The following BCAS3 variants were observed in gnomAD, a reference collection of about 807,000 sequenced individuals.
BCAS3 encodes BCAS4/BCAS3 fusion.
Under a neutral mutation model 116.1 loss-of-function variants are expected in BCAS3, and 53 were observed. The observed-to-expected ratio is 0.46, with a 90% confidence interval of 0.37 to 0.57. BCAS3 has a LOEUF of 0.57. Ranked by LOEUF, BCAS3 falls within the 20% of genes least tolerant of loss-of-function variation. The pLI is 0.00. For missense variants in BCAS3, 917 were observed against 1,165.4 expected (o/e 0.79, Z 3.10); for synonymous variants, 391 against 408.2 (o/e 0.96, Z 0.51).
At chr17:61,231,937 T>A (rs2082705871) in intron 22 of BCAS3, among the ~76,000 whole-genome samples, 1 of 148,466 alleles carries the variant, frequency 6.7e-6, no homozygotes, top group South Asian at 2.1e-4. Flanking sequence ...CCTGACACAG[T>A]GGCTCATGCC....
intron 23 of BCAS3, among the ~76,000 whole-genome samples, chr17:61,385,027 C>T (rs1234673124): frequency 6.6e-6 from 1 of 152,150 alleles, no homozygotes; most frequent in African/African-American, 2.4e-5. Flanking sequence ...TAAAAAGTGC[C>T]CTGGGGGCTG....
At chr17:61,049,768 T>C (rs2068686512) in intron 19 of BCAS3, among the ~76,000 whole-genome samples, 1 of 149,260 alleles carries the variant, frequency 6.7e-6, no homozygotes, top group African/African-American at 2.5e-5. Flanking sequence ...GTTTCACTCT[T>C]GTTGCCCAGG....
intron 1 of BCAS3, among the ~76,000 whole-genome samples, 170 bp from the exon 2 acceptor site, chr17:60,679,283 C>T (rs939476985): frequency 6.6e-6 from 1 of 152,144 alleles, no homozygotes; most frequent in Non-Finnish European, 1.5e-5. Context: ...TAAAAACCTA[C>T]TTCCTCCTTT....
intron 22 of BCAS3, among the ~76,000 whole-genome samples, chr17:61,150,187 G>C (rs918526640): frequency 2.0e-5 from 3 of 152,166 alleles, no homozygotes; most frequent in Non-Finnish European, 4.4e-5. Context: ...TCTATTGATT[G>C]GTCAGGAAGA....
chr17:61,157,145 ACT>A (rs1304821366), intron 22 of BCAS3, among the ~76,000 whole-genome samples: 1 of 152,116 alleles, frequency 6.6e-6, no homozygotes, highest in Non-Finnish European at 1.5e-5. Flanking sequence ...GGGGGAAATA[ACT>A]CTGATTGATT....
At chr17:60,936,022 C>A (rs1180596388) in intron 13 of BCAS3, among the ~76,000 whole-genome samples, 2 of 150,520 alleles carry the variant, frequency 1.3e-5, no homozygotes, top group Non-Finnish European at 3.0e-5. Flanking sequence ...CCCCACCCCA[C>A]AACAGGCCCT....
chr17:60,800,804 C>G lies in BCAS3; in HGVS notation c.404-7200C>G, dbSNP rs2047706908. Reference sequence around the variant, plus strand: ...TTTTTTTTATGGACATCCAGTTGTTCCAGGGTCATTTGTTGACTATTCTTC... The same window carrying G: ...TTTTTTTTATGGACATCCAGTTGTTGCAGGGTCATTTGTTGACTATTCTTC... On this transcript the variant is annotated intron_variant, in intron 6 of 23. Transcript: ENST00000407086. Among the ~76,000 whole-genome samples, 4 of 151,886 alleles carry G rather than the reference C, an allele frequency of 2.6e-5. No homozygotes were observed. The South Asian group carries it at 8.3e-4, about 32-fold the overall frequency.
At chr17:60,823,064 G>A (rs917246222) in intron 7 of BCAS3, among the ~76,000 whole-genome samples, 1 of 152,168 alleles carries the variant, frequency 6.6e-6, no homozygotes, top group Non-Finnish European at 1.5e-5. Context: ...ATTCACTTGA[G>A]CCAGTATGGT....
intron 19 of BCAS3, among the ~76,000 whole-genome samples, chr17:61,057,949 G>A (rs2069559969): frequency 1.3e-5 from 2 of 151,648 alleles, no homozygotes; most frequent in Admixed American, 1.3e-4. Flanking sequence ...CTTTAGCATA[G>A]CTACTTTTTT....
intron 9 of BCAS3, among the ~76,000 whole-genome samples, chr17:60,888,219 A>T (rs1165614200): frequency 1.3e-5 from 2 of 152,202 alleles, no homozygotes; most frequent in Non-Finnish European, 2.9e-5. Context: ...AAAAATACGG[A>T]CTCAAAAAAT....
In BCAS3 at chr17:61,343,608, G is replaced by C. The variant is rs1037862609; in HGVS notation, c.2426-24719G>C. Among the ~76,000 whole-genome samples, 3 of 152,184 alleles carry C rather than the reference G, an allele frequency of 2.0e-5. No homozygotes were observed. The highest frequency in any genetic ancestry group is 4.4e-5 in the Non-Finnish European group (3 of 68,036). On this transcript the variant is annotated intron_variant, in intron 22 of 23. Transcript: ENST00000407086. This position sits in a 1 kb window ranked among gnomAD's most constrained non-coding sequence, Gnocchi z 5.5. ...ACTGGTTGAGGAAGCGTATGCAGAG[G>C]TTTGAGCCAAACAACTGGATGGCAA...
At position 60,810,985 on chromosome 17, in the gene BCAS3, C is replaced by T. The variant is rs1400325530; in HGVS notation, c.476+2909C>T. The T allele has an allele frequency of 1.7e-5, 11 of 666,034 alleles. No homozygotes were observed. The East Asian group carries it at 3.4e-4, about 20-fold the overall frequency. The allele number at this position is 666,034 out of a possible 1,614,324, so 41.3% of individuals were successfully genotyped here. ...GGAGCTGGACAAGTACTAGTCTCAG[C>T]AGATTGAAGAGAGCACCACAGTGGT... On this transcript the variant is annotated intron_variant, in intron 7 of 23. Coordinates refer to ENST00000407086, the MANE Select transcript of BCAS3 (RefSeq NM_017679.5).
intron 7 of BCAS3, among the ~76,000 whole-genome samples, chr17:60,849,662 C>T (rs1012930781): frequency 2.0e-5 from 3 of 152,048 alleles, no homozygotes; most frequent in African/African-American, 4.8e-5. Context: ...AATATCAGGC[C>T]GGGCACAGTG....
At chr17:61,274,184 C>A (rs1441565042) in intron 22 of BCAS3, among the ~76,000 whole-genome samples, 1 of 151,584 alleles carries the variant, frequency 6.6e-6, no homozygotes, top group Non-Finnish European at 1.5e-5. Context: ...TGTTCAGTTC[C>A]CACCTATGAG....
chr17:60,859,587 A>C (rs2053982864), intron 7 of BCAS3, among the ~76,000 whole-genome samples: 1 of 135,102 alleles, frequency 7.4e-6, no homozygotes, highest in Non-Finnish European at 1.6e-5. Flanking sequence ...TTTTTTTTTG[A>C]GATGGAGTCT....
intron 22 of BCAS3, chr17:61,353,542 A>G (rs118117345): frequency 2.0e-5 from 3 of 152,352 alleles, no homozygotes; most frequent in East Asian, 1.9e-4. Flanking sequence ...GATTTCCTCA[A>G]CCGTGAAACG....
At chr17:61,292,029 G>A (rs1003119360) in intron 22 of BCAS3, among the ~76,000 whole-genome samples, 2 of 152,124 alleles carry the variant, frequency 1.3e-5, no homozygotes, top group African/African-American at 4.8e-5. Context: ...AGGAACAAGA[G>A]GTTCAATCAT....
intron 6 of BCAS3, among the ~76,000 whole-genome samples, chr17:60,793,091 A>T (rs1316336853): frequency 6.6e-6 from 1 of 151,732 alleles, no homozygotes; most frequent in African/African-American, 2.4e-5. Context: ...TTTTATTTTT[A>T]AATTTTTAAT....
intron 7 of BCAS3, among the ~76,000 whole-genome samples, chr17:60,848,308 G>T (rs1349737249): frequency 6.6e-6 from 1 of 152,074 alleles, no homozygotes; most frequent in Non-Finnish European, 1.5e-5. Context: ...TTTAGGATTG[G>T]ATTTCTCATT....
Sources: gnomAD v4.1 joint callset for allele counts (sites outside exome capture counted in the v4.1 genomes callset) on GRCh38, gnomAD v4.1.1 for gene constraint, Gnocchi (gnomAD v3.1) non-coding constraint, MANE v1.5 for transcripts, NCBI Gene and HGNC (gene_info 2026-07-23, HGNC 2026-07-21) for gene names.